AUTS2: variants seen among roughly 807,000 people sequenced by gnomAD.
AUTS2 encodes activator of transcription and developmental regulator AUTS2.
A neutral mutation model predicts 112.4 loss-of-function variants in AUTS2; 17 were observed. The ratio of observed to expected loss-of-function variants is 0.15; its 90% CI spans 0.10 to 0.23. The LOEUF (loss-of-function observed/expected upper bound fraction) is 0.23. AUTS2 is among the 10% of genes least tolerant of loss of function. AUTS2 has a pLI of 1.00. For missense variants in AUTS2, 1,510 were observed against 1,701.6 expected (o/e 0.89, Z 1.98); for synonymous variants, 751 against 702.7 (o/e 1.07, Z -1.09).
chr7:70,381,307 T>C (rs2129632592), intron 4 of AUTS2, among the ~76,000 whole-genome samples: 1 of 152,336 alleles, frequency 6.6e-6, no homozygotes, highest in Non-Finnish European at 1.5e-5. Flanking sequence ...GGACATGTCT[T>C]ATATCTTGAT....
intron 4 of AUTS2, among the ~76,000 whole-genome samples, chr7:70,435,329 C>G (rs1290649989): frequency 1.3e-5 from 2 of 152,216 alleles, no homozygotes; most frequent in Non-Finnish European, 2.9e-5. Flanking sequence ...TTCACATTAG[C>G]TGAAGATAGA....
intron 2 of AUTS2, among the ~76,000 whole-genome samples, chr7:69,951,160 T>C (rs1257829533): frequency 6.6e-6 from 1 of 152,200 alleles, no homozygotes; most frequent in African/African-American, 2.4e-5. Context: ...CAATTGTATT[T>C]GACTCAGCAA....
chr7:70,248,838 A>T (rs748034540), intron 4 of AUTS2, among the ~76,000 whole-genome samples: 3 of 152,148 alleles, frequency 2.0e-5, no homozygotes, highest in African/African-American at 7.2e-5. Context: ...TTTAATTCCC[A>T]TCAGTTTGTT....
intron 5 of AUTS2, among the ~76,000 whole-genome samples, chr7:70,586,989 A>G (rs1167717461): frequency 6.6e-6 from 1 of 152,228 alleles, no homozygotes; most frequent in Non-Finnish European, 1.5e-5. Context: ...GTCTAATTCC[A>G]GTCATACCAA....
intron 4 of AUTS2, among the ~76,000 whole-genome samples, chr7:70,305,553 A>G (rs1053619742): frequency 6.6e-6 from 1 of 152,204 alleles, no homozygotes. Flanking sequence ...GAATTGAGAA[A>G]CATACTTGGA....
intron 4 of AUTS2, among the ~76,000 whole-genome samples, chr7:70,241,293 C>G (rs921945903): frequency 6.6e-6 from 1 of 152,072 alleles, no homozygotes; most frequent in African/African-American, 2.4e-5. Context: ...TAACACAAAT[C>G]GTTTTGATTT....
chr7:70,310,299 C>T (rs927089384), intron 4 of AUTS2, among the ~76,000 whole-genome samples: 1 of 152,044 alleles, frequency 6.6e-6, no homozygotes, highest in African/African-American at 2.4e-5. Flanking sequence ...GCAGTCTCTG[C>T]ACCTGTTCAC....
chr7:70,424,589 C>A (rs575285673), intron 4 of AUTS2, among the ~76,000 whole-genome samples: 1 of 151,774 alleles, frequency 6.6e-6, no homozygotes, highest in African/African-American at 2.4e-5. Flanking sequence ...TTGTTTGTTT[C>A]TTTGTTTGTT....
intron 1 of AUTS2, among the ~76,000 whole-genome samples, chr7:69,762,464 G>T (rs1353450852): frequency 1.3e-5 from 2 of 151,674 alleles, no homozygotes; most frequent in African/African-American, 4.8e-5. Flanking sequence ...GTGCCACCAC[G>T]CCTGGCTAAT....
At chr7:70,122,865 C>CTTTTT (rs11297258) in intron 3 of AUTS2, among the ~76,000 whole-genome samples, 9 of 93,056 alleles carry the variant, frequency 9.7e-5, no homozygotes, top group Non-Finnish European at 1.2e-4. Context: ...GAGATGAAAG[C>CTTTTT]TTTTTTTTTT....
At chr7:70,587,354 G>T (rs908224544) in intron 5 of AUTS2, among the ~76,000 whole-genome samples, 5 of 152,146 alleles carry the variant, frequency 3.3e-5, no homozygotes, top group African/African-American at 9.7e-5. Flanking sequence ...TGGGATTACA[G>T]GCATGAGCCA....
intron 4 of AUTS2, among the ~76,000 whole-genome samples, chr7:70,222,081 G>C (rs189144392): frequency 3.5e-4 from 54 of 152,114 alleles, no homozygotes; most frequent in African/African-American, 1.2e-3. Flanking sequence ...TTAAATTATT[G>C]TAAAATTAAA....
At chr7:69,817,576 A>G (rs1790817056) in intron 1 of AUTS2, among the ~76,000 whole-genome samples, 1 of 152,178 alleles carries the variant, frequency 6.6e-6, no homozygotes, top group Non-Finnish European at 1.5e-5. Context: ...AGGATATCAT[A>G]TGTGAGTGGC....
At chr7:70,547,616 A>G (rs925121330) in intron 5 of AUTS2, among the ~76,000 whole-genome samples, 2 of 152,184 alleles carry the variant, frequency 1.3e-5, no homozygotes, top group Non-Finnish European at 2.9e-5. Flanking sequence ...GTTCATCTAC[A>G]TTGTAGCATT....
intron 4 of AUTS2, among the ~76,000 whole-genome samples, chr7:70,187,654 A>G (rs1305771110): frequency 1.3e-5 from 2 of 152,200 alleles, no homozygotes; most frequent in Non-Finnish European, 2.9e-5. Context: ...TTATTATTCA[A>G]ATTAATGGCT....
rs147674377 is a variant in AUTS2 at position 70,688,424 on chromosome 7, T to C, written c.691-10145T>C. On this transcript the variant is annotated intron_variant, in intron 5 of 18. Transcript: ENST00000342771. ...TGTCTCCAGACACACATCTGTTATT[T>C]ATACTGCTGCTGTGGCATGGACAAA... 1.3e-4 allele frequency among the ~76,000 whole-genome samples: 20 copies of C among 152,318 alleles called. No individual in the cohort carries two copies. The East Asian group carries it at 3.7e-3, about 28-fold the overall frequency.
intron 5 of AUTS2, among the ~76,000 whole-genome samples, chr7:70,642,418 G>A (rs984433025): frequency 4.6e-5 from 7 of 152,072 alleles, no homozygotes; most frequent in African/African-American, 9.7e-5. Context: ...ATCATTTCAC[G>A]TGTTCTTTTA....
chr7:70,469,144 C>T (rs1182184367), intron 5 of AUTS2, among the ~76,000 whole-genome samples: 1 of 152,228 alleles, frequency 6.6e-6, no homozygotes, highest in Admixed American at 6.5e-5. Flanking sequence ...GTGTCTGTTA[C>T]ATGCCAGTCA....
Position 69,623,075 on chromosome 7 carries a change from C to A in AUTS2, c.309+23113C>A, listed in dbSNP as rs576222514. Reference sequence around the variant, plus strand: ...GTTTCAGATTTGCACATCACAAGTTCTTGCCTTGTGCAGTGGTTTCTAAAC... The same window carrying A: ...GTTTCAGATTTGCACATCACAAGTTATTGCCTTGTGCAGTGGTTTCTAAAC... On this transcript the variant is annotated intron_variant, in intron 1 of 18. Coordinates refer to ENST00000342771, the MANE Select transcript of AUTS2 (RefSeq NM_015570.4). 2.0e-5 allele frequency among the ~76,000 whole-genome samples: 3 copies of A among 152,302 alleles called. No homozygotes were observed. The South Asian group carries it at 6.2e-4, about 32-fold the overall frequency.
Sources: allele counts gnomAD v4.1 joint callset (sites outside exome capture counted in the v4.1 genomes callset), GRCh38; gene constraint gnomAD v4.1.1; transcripts MANE v1.5; gene names NCBI Gene and HGNC (gene_info 2026-07-23, HGNC 2026-07-21).